The following ANAPC16 variants were observed in gnomAD, a reference collection of about 807,000 sequenced individuals.
ANAPC16 encodes the protein anaphase-promoting complex subunit 16.
ANAPC16 carries 6 observed loss-of-function variants against 13.1 expected under a neutral mutation model. The observed-to-expected ratio is 0.46, with a 90% CI of 0.25 to 0.90. The LOEUF (loss-of-function observed/expected upper bound fraction) is 0.90. Ranked by LOEUF, ANAPC16 falls within the 40% of genes least tolerant of loss-of-function variation. The pLI is 0.18. For synonymous variants in ANAPC16, 55 were observed against 51.3 expected (o/e 1.07, Z -0.31); for missense variants, 113 against 131.1 (o/e 0.86, Z 0.67).
At chr10:72,224,336 G>C (rs1191711327) in intron 2 of ANAPC16, among the ~76,000 whole-genome samples, 1 of 152,136 alleles carries the variant, frequency 6.6e-6, no homozygotes, top group Non-Finnish European at 1.5e-5. Flanking sequence ...GTCAGGGCTG[G>C]GCACGGTGGC....
At chr10:72,218,155 AAAAAAAAAAAATATATATATATATAT>A (rs1859662855) in intron 1 of ANAPC16, among the ~76,000 whole-genome samples, 1 of 50,734 alleles carries the variant, frequency 2.0e-5, no homozygotes. Flanking sequence ...CAAAAAAAAA[AAAAAAAAAAAATATATATATATATAT>A]ATATATATAT....
rs955511656 is a variant in ANAPC16 at position 72,216,100 on chromosome 10, G to C, written c.-66G>C. The C allele has an allele frequency of 6.6e-6, 1 of 152,442 alleles. No homozygotes were observed. The allele number at this position is 152,442 out of a possible 1,614,324, so 9.4% of individuals were successfully genotyped here. On this transcript the variant is annotated 5_prime_UTR_variant, in exon 1 of 4. Coordinates refer to ENST00000299381, the MANE Select transcript of ANAPC16 (RefSeq NM_173473.4). Reference sequence around the variant, plus strand: ...GAGCGCAGCCACTCAGGCTGGTCCTGGGGGTGGGGCTGTAGGGGAAAGTGC... The same window carrying C: ...GAGCGCAGCCACTCAGGCTGGTCCTCGGGGTGGGGCTGTAGGGGAAAGTGC...
intron 3 of ANAPC16, among the ~76,000 whole-genome samples, chr10:72,231,563 CTT>C (rs956691061): frequency 5.3e-5 from 8 of 151,972 alleles, no homozygotes; most frequent in South Asian, 4.2e-4. Context: ...TTTAAAATGA[CTT>C]TTATTTTTTG....
intron 1 of ANAPC16, among the ~76,000 whole-genome samples, chr10:72,216,476 T>TCC (rs1330616971): frequency 4.9e-4 from 2 of 4,086 alleles, no homozygotes; most frequent in Non-Finnish European, 9.8e-4. Context: ...CCCGCCCCGT[T>TCC]CCCGCCCCCC....
chr10:72,223,469 T>C (rs987226722), intron 1 of ANAPC16: 4 of 153,376 alleles, frequency 2.6e-5, no homozygotes, highest in African/African-American at 9.6e-5. Context: ...TTGGAAAATA[T>C]TATAATTTAT....
chr10:72,232,101 G>A (rs893688500), intron 3 of ANAPC16, among the ~76,000 whole-genome samples: 10 of 144,926 alleles, frequency 6.9e-5, no homozygotes, highest in South Asian at 2.2e-4. Context: ...CAGCAGAATC[G>A]CTTGGACCCA....
At chr10:72,228,941 C>G (rs1306754908) in intron 2 of ANAPC16, among the ~76,000 whole-genome samples, 1 of 152,210 alleles carries the variant, frequency 6.6e-6, no homozygotes, top group Non-Finnish European at 1.5e-5. Context: ...ACATCTTGGC[C>G]TGATCCTTAT....
intron 1 of ANAPC16, chr10:72,223,059 A>G (rs886947395): frequency 1.6e-5 from 2 of 123,932 alleles, no homozygotes; most frequent in Non-Finnish European, 3.5e-5. Flanking sequence ...AAGTTTGGGT[A>G]TTACATTTAG....
chr10:72,227,380 G>GT (rs1860154953), intron 2 of ANAPC16, among the ~76,000 whole-genome samples: 1 of 152,022 alleles, frequency 6.6e-6, no homozygotes, highest in Non-Finnish European at 1.5e-5. Context: ...TGTTTCTGTT[G>GT]TAGGATACAT....
chr10:72,225,927 G>A (rs908428968), intron 2 of ANAPC16, among the ~76,000 whole-genome samples: 3 of 150,972 alleles, frequency 2.0e-5, no homozygotes, highest in African/African-American at 7.3e-5. Context: ...AAAAAGCTTT[G>A]GGGAATAACC....
In ANAPC16 at chr10:72,230,389, G is replaced by T. The variant is rs1031161314; in HGVS notation, c.166G>T (p.Glu56Ter). 1 of 1,613,998 alleles carries T rather than the reference G, an allele frequency of 6.2e-7. No individual in the cohort carries two copies. The highest frequency in any genetic ancestry group is 8.5e-7 in the Non-Finnish European group (1 of 1,179,962). ...LEDGSERFLC[E>*]SVFSYQVAST... is the part of the protein sequence containing the mutation. ...AGATGGCTCTGAGAGATTCCTCTGC[G>T]AATCTGTTTTTAGCTATCAAGTGGC... The change falls in exon 3 of 4, where the codon GAA becomes TAA. Residue 56 changes from glutamate to a stop codon, truncating the protein, a stop_gained. Transcript: ENST00000299381. LOFTEE classifies it high-confidence loss of function.
chr10:72,221,547 CTTTTTTTTTTT>C (rs910872494), intron 1 of ANAPC16, among the ~76,000 whole-genome samples: 1 of 91,352 alleles, frequency 1.1e-5, no homozygotes, highest in Non-Finnish European at 2.1e-5. Flanking sequence ...TTTTTCTTTT[CTTTTTTTTTTT>C]TTTTTTTTTT....
In ANAPC16 at chr10:72,234,007, A is replaced by AT. The variant is rs1860400988; in HGVS notation, c.*891_*892insT. ...AAATTTATCTTAATGATATTTAAGT[A>AT]GTTTTTTTTTTTTTTTGAGACGAAG... On this transcript the variant is annotated 3_prime_UTR_variant, in exon 4 of 4. Transcript: ENST00000299381. 1 of 147,294 alleles carries AT rather than the reference A, an allele frequency of 6.8e-6. No individual in the cohort carries two copies. The highest frequency in any genetic ancestry group is 2.7e-5 in the African/African-American group (1 of 37,664). 9.1% of individuals were successfully genotyped at this position (147,294 alleles called of 1,614,324 possible). A position where few individuals can be genotyped will look rare whatever the true frequency, so the allele number is the denominator to read the frequency against.
At chr10:72,231,714 G>A (rs111228444) in intron 3 of ANAPC16, among the ~76,000 whole-genome samples, 9,138 of 151,970 alleles carry the variant, frequency 0.06, 687 homozygotes, top group African/African-American at 0.17. Flanking sequence ...ACGCCACCAC[G>A]CCCAGCTAAT....
intron 1 of ANAPC16, 71 bp downstream of exon 1, chr10:72,216,209 G>A (rs1268284594): frequency 6.4e-6 from 1 of 155,450 alleles, no homozygotes; most frequent in African/African-American, 2.4e-5. Flanking sequence ...GATCCTACCT[G>A]CAGGGACTAG....
intron 2 of ANAPC16, among the ~76,000 whole-genome samples, chr10:72,228,109 A>G (rs1269470742): frequency 2.0e-5 from 3 of 152,146 alleles, no homozygotes; most frequent in African/African-American, 7.2e-5. Context: ...GTTAGGAATC[A>G]AGGATGGATG....
intron 1 of ANAPC16, among the ~76,000 whole-genome samples, chr10:72,219,445 GA>G (rs1200195207): frequency 6.6e-6 from 1 of 152,154 alleles, no homozygotes; most frequent in East Asian, 1.9e-4. Flanking sequence ...TAACAAGATT[GA>G]AAATGTCAGC....
intron 3 of ANAPC16, among the ~76,000 whole-genome samples, chr10:72,231,837 G>A (rs1259667922): frequency 1.3e-5 from 2 of 151,864 alleles, no homozygotes; most frequent in Non-Finnish European, 2.9e-5. Flanking sequence ...TTACAGGCAT[G>A]AGCCACTGCG....
In ANAPC16 at chr10:72,234,891, C is replaced by A. The variant is rs1860426777; in HGVS notation, c.*1775C>A. On this transcript the variant is annotated 3_prime_UTR_variant, in exon 4 of 4. Transcript: ENST00000299381. ...GGAGACTGGGCACAGTGGCTCCCAC[C>A]TTTAATCCCAGCACCTGGGGAGGCT... 2 of 152,230 alleles carry A rather than the reference C, an allele frequency of 1.3e-5. 1 individual carries two copies. Among genetic ancestry groups the A allele is most frequent in the Non-Finnish European group, 2.9e-5 (2 of 68,058 alleles). The allele number at this position is 152,230 out of a possible 1,614,324, so 9.4% of individuals were successfully genotyped here.
Sources: gnomAD v4.1 joint callset for allele counts (sites outside exome capture counted in the v4.1 genomes callset) on GRCh38, gnomAD v4.1.1 for gene constraint, MANE v1.5 for transcripts, NCBI Gene and HGNC (gene_info 2026-07-23, HGNC 2026-07-21) for gene names.